Variants in PTK7 observed in about 807,000 individuals in gnomAD.
PTK7 encodes the protein inactive tyrosine-protein kinase 7.
A neutral mutation model predicts 116.6 loss-of-function variants in PTK7; 39 were observed. The observed-to-expected ratio is 0.33, with a 90% CI of 0.26 to 0.44. The LOEUF (loss-of-function observed/expected upper bound fraction) is 0.44, where lower values mean the gene tolerates loss of function less well. PTK7 is among the 20% of genes least tolerant of loss of function. PTK7 has a pLI of 1.00. For synonymous variants in PTK7, 546 were observed against 563.6 expected (o/e 0.97, Z 0.44); for missense variants, 1,169 against 1,425.6 (o/e 0.82, Z 2.90).
intron 1 of PTK7, among the ~76,000 whole-genome samples, chr6:43,092,936 C>G (rs535133483): frequency 2.0e-5 from 3 of 152,270 alleles, no homozygotes; most frequent in South Asian, 4.1e-4. Flanking sequence ...TGCTTCCCAT[C>G]TACCAGTAAC....
Position 43,138,837 on chromosome 6 carries a change from C to T in PTK7, c.1229-12C>T, listed in dbSNP as rs1392596495. On this transcript the variant is annotated splice_polypyrimidine_tract_variant and intron_variant, in intron 7 of 19. Coordinates refer to ENST00000230419, the MANE Select transcript of PTK7 (RefSeq NM_002821.5). ...TGAAGCAGCCTTCACTGTTTCCTTC[C>T]TGTCTGTCTAGCTGTGCCCTCCTGG... is the stretch of plus-strand genomic sequence containing the variant. The T allele has an allele frequency of 6.3e-7, 1 of 1,598,050 alleles. No individual in the cohort carries two copies. Among genetic ancestry groups the T allele is most frequent in the Non-Finnish European group, 8.5e-7 (1 of 1,173,326 alleles).
At chr6:43,122,562 G>A (rs112899359) in intron 1 of PTK7, among the ~76,000 whole-genome samples, 1,775 of 151,832 alleles carry the variant, frequency 0.012, 9 homozygotes, top group Non-Finnish European at 0.02. Flanking sequence ...TGGCATTCGG[G>A]ATATTCCCTA....
intron 1 of PTK7, among the ~76,000 whole-genome samples, chr6:43,091,458 C>T (rs1469597687): frequency 2.0e-5 from 3 of 152,122 alleles, no homozygotes; most frequent in South Asian, 2.1e-4. Context: ...TGAGCCACTG[C>T]GCCTGGCCGG....
In PTK7 at chr6:43,158,823, C is replaced by T. The variant is rs1433495423; in HGVS notation, c.2728C>T (p.Leu910=). Residue 910 remains leucine, a synonymous_variant, in exon 18 of 20, where the codon CTA becomes TTA. Coordinates refer to ENST00000230419, the MANE Select transcript of PTK7 (RefSeq NM_002821.5). ...GGCCCCTTTATCTCTCCAGGTGGCC[C>T]TATGCACCCAGGTAGCCCTGGGCAT... ...QPLSTKQKVA[L]CTQVALGMEH... is the part of the protein sequence containing the mutation. The T allele has an allele frequency of 6.2e-7, 1 of 1,613,950 alleles. No homozygotes were observed. Among genetic ancestry groups the T allele is most frequent in the Non-Finnish European group, 8.5e-7 (1 of 1,179,904 alleles).
At chr6:43,081,347 T>C (rs1212184883) in intron 1 of PTK7, among the ~76,000 whole-genome samples, 1 of 152,236 alleles carries the variant, frequency 6.6e-6, no homozygotes, top group Non-Finnish European at 1.5e-5. Context: ...CCATAGAGTT[T>C]AGTACAGTAC....
At chr6:43,110,139 G>A (rs1768114409) in intron 1 of PTK7, among the ~76,000 whole-genome samples, 2 of 151,714 alleles carry the variant, frequency 1.3e-5, no homozygotes, top group Admixed American at 6.6e-5. Context: ...TGGGATTACA[G>A]GCGCGCAACA....
intron 1 of PTK7, among the ~76,000 whole-genome samples, chr6:43,119,959 G>A (rs1190759298): frequency 6.6e-6 from 1 of 152,158 alleles, no homozygotes; most frequent in Non-Finnish European, 1.5e-5. Context: ...TTGAGTCCTG[G>A]GTTCCACGGT....
chr6:43,156,725 A>G (rs1224201096), intron 17 of PTK7, among the ~76,000 whole-genome samples: 5 of 152,030 alleles, frequency 3.3e-5, no homozygotes, highest in African/African-American at 1.2e-4. Context: ...ATGAAACCCC[A>G]TCTCTACTGA....
intron 17 of PTK7, among the ~76,000 whole-genome samples, chr6:43,152,174 C>T (rs1306868229): frequency 3.5e-5 from 5 of 141,142 alleles, no homozygotes; most frequent in Admixed American, 7.0e-5. Context: ...TTTAACCTTC[C>T]TCACTGGTTA....
At position 43,160,873 on chromosome 6, in the gene PTK7, A is replaced by T. The variant is rs755954047; in HGVS notation, c.3205A>T (p.Lys1069Ter). 11 of 1,613,792 alleles carry T rather than the reference A, an allele frequency of 6.8e-6. No homozygotes were observed. In the East Asian group the frequency reaches 2.5e-4, roughly 36 times the overall value. ...SALGDSTVDS[K>*]P ...CCTGGGAGACAGCACCGTGGACAGC[A>T]AGCCGTGAGGAGGGAGCCCGCTCAG... The change falls in exon 20 of 20, where the codon AAG (lysine) becomes TAG (stop). Residue 1069 changes from lysine to a stop codon, truncating the protein, a stop_gained. Transcript: ENST00000230419. LOFTEE classifies it high-confidence loss of function.
At position 43,141,975 on chromosome 6, in the gene PTK7, C is replaced by T; in HGVS notation, c.1813C>T (p.Gln605Ter). 6.2e-7 allele frequency: 1 copy of T among 1,613,558 alleles called. No homozygotes were observed. The highest frequency in any genetic ancestry group is 8.5e-7 in the Non-Finnish European group (1 of 1,179,894). ...KVEPERTTVY[Q>*]GHTALLQCEA... is the part of the protein sequence containing the mutation. ...GGAACCAGAGCGTACGACTGTGTACCAGGGCCACACAGCCCTACTGCAGTG... is the reference window on the plus strand; with the variant it reads ...GGAACCAGAGCGTACGACTGTGTACTAGGGCCACACAGCCCTACTGCAGTG... Residue 605 changes from glutamine (Q) to a stop codon, truncating the protein, a stop_gained, in exon 12 of 20, where the codon CAG becomes TAG. Transcript: ENST00000230419. LOFTEE classifies it high-confidence loss of function. The surrounding 1 kb of genome is among the most constrained non-coding windows in gnomAD (Gnocchi z 4.9).
intron 1 of PTK7, among the ~76,000 whole-genome samples, chr6:43,116,645 TGTGTGTGC>T (rs1462446654): frequency 0.01 from 801 of 76,374 alleles, 7 homozygotes; most frequent in African/African-American, 0.03. Flanking sequence ...TGTGTGTGTG[TGTGTGTGC>T]GCGCGCACGC....
At chr6:43,096,673 C>T (rs577895821) in intron 1 of PTK7, among the ~76,000 whole-genome samples, 2 of 152,334 alleles carry the variant, frequency 1.3e-5, no homozygotes, top group African/African-American at 4.8e-5. Flanking sequence ...CTGCCTTTTG[C>T]TGCTGCCCTG....
Position 43,139,451 on chromosome 6 carries a change from A to G in PTK7, c.1544A>G (p.Glu515Gly). 1 of 1,614,210 alleles carries G rather than the reference A, an allele frequency of 6.2e-7. No individual in the cohort carries two copies. ...TPPPQPQQCMEFDKEATVPCS... is the reference protein window; with the variant it reads ...TPPPQPQQCMGFDKEATVPCS... ...CCACCCCAGCCACAGCAGTGCATGG[A>G]GTTTGACAAGGAGGCCACGGTGCCC... Residue 515 changes from glutamate (E) to glycine (G), a missense_variant, in exon 10 of 20, where the codon GAG becomes GGG. Physicochemically the swap from Glu to Gly is moderately conservative, Grantham distance 98. Transcript: ENST00000230419. The surrounding 1 kb of genome is among the most constrained non-coding windows in gnomAD (Gnocchi z 4.6).
intron 5 of PTK7, 174 bp from the exon 6 acceptor site, chr6:43,131,842 C>A: frequency 1.2e-6 from 1 of 818,854 alleles, no homozygotes; most frequent in South Asian, 1.7e-5. Flanking sequence ...TGCACCTGAG[C>A]AAGTGTATGC....
Position 43,146,700 on chromosome 6 carries a change from TGAG to T in PTK7, c.2721+5_2721+7del, listed in dbSNP as rs746652285. Reference sequence around the variant, plus strand: ...CAGCCCCTCAGCACCAAGCAGAAGGTGAGGACAGGGAGTGAAGGAGGGAGGGAG... The same window carrying T: ...CAGCCCCTCAGCACCAAGCAGAAGGTGACAGGGAGTGAAGGAGGGAGGGAG... On this transcript the variant is annotated splice_donor_5th_base_variant and intron_variant, in intron 17 of 19. Coordinates refer to ENST00000230419, the MANE Select transcript of PTK7 (RefSeq NM_002821.5). 6.2e-7 allele frequency: 1 copy of T among 1,610,998 alleles called. No individual in the cohort carries two copies. The highest frequency in any genetic ancestry group is 1.1e-5 in the South Asian group (1 of 91,006).
chr6:43,083,630 C>T (rs1286178599), intron 1 of PTK7, among the ~76,000 whole-genome samples: 1 of 152,148 alleles, frequency 6.6e-6, no homozygotes, highest in East Asian at 1.9e-4. Flanking sequence ...AAGCTTGGTT[C>T]GAAGGGCTGA....
chr6:43,103,047 G>C (rs933073914), intron 1 of PTK7, among the ~76,000 whole-genome samples: 3 of 152,208 alleles, frequency 2.0e-5, no homozygotes, highest in Non-Finnish European at 4.4e-5. Context: ...ATCAGTGAGA[G>C]AACTGAGTCA....
At position 43,130,227 on chromosome 6, in the gene PTK7, C is replaced by A; in HGVS notation, c.471-3C>A. ...ACCACTGCTGACTGTGTCTGCCCTG[C>A]AGGCCCACCTACCAATGGTTCCGAG... On this transcript the variant is annotated splice_polypyrimidine_tract_variant and splice_region_variant and intron_variant, in intron 3 of 19. Coordinates refer to ENST00000230419, the MANE Select transcript of PTK7 (RefSeq NM_002821.5). 1 of 1,569,104 alleles carries A rather than the reference C, an allele frequency of 6.4e-7. No individual in the cohort carries two copies. Among genetic ancestry groups the A allele is most frequent in the Non-Finnish European group, 8.7e-7 (1 of 1,152,996 alleles).
Sources: gnomAD v4.1 joint callset for allele counts (sites outside exome capture counted in the v4.1 genomes callset) on GRCh38, gnomAD v4.1.1 for gene constraint, Gnocchi (gnomAD v3.1) non-coding constraint, MANE v1.5 for transcripts, NCBI Gene and HGNC (gene_info 2026-07-23, HGNC 2026-07-21) for gene names.